The following CSGALNACT1 variants were observed in gnomAD, a reference collection of about 807,000 sequenced individuals.
The protein encoded by CSGALNACT1 is chondroitin sulfate N-acetylgalactosaminyltransferase 1, also known as beta4GalNAcT-1.
In CSGALNACT1, 52 loss-of-function variants were observed where a neutral mutation model predicts 51.0. The observed-to-expected ratio is 1.02, with a 90% confidence interval of 0.82 to 1.29. The LOEUF is 1.29. CSGALNACT1 is among the 50% of genes most tolerant of loss of function. CSGALNACT1 has a pLI of 0.00. For missense variants in CSGALNACT1, 935 were observed against 679.2 expected (o/e 1.38, Z -4.19); for synonymous variants, 341 against 254.4 (o/e 1.34, Z -3.24).
At chr8:19,513,307 C>T (rs1056075558) in intron 3 of CSGALNACT1, among the ~76,000 whole-genome samples, 12 of 151,428 alleles carry the variant, frequency 7.9e-5, no homozygotes, top group African/African-American at 2.4e-4. Flanking sequence ...AGGAAAATAC[C>T]GCAAAATGTA....
At chr8:19,664,551 C>T (rs774732958) in intron 1 of CSGALNACT1, among the ~76,000 whole-genome samples, 1 of 152,010 alleles carries the variant, frequency 6.6e-6, no homozygotes, top group South Asian at 2.1e-4. Context: ...ATCCCAGCAC[C>T]GTTCACAACA....
At chr8:19,575,015 C>T (rs892758280) in intron 3 of CSGALNACT1, among the ~76,000 whole-genome samples, 1 of 151,352 alleles carries the variant, frequency 6.6e-6, no homozygotes, top group Non-Finnish European at 1.5e-5. Flanking sequence ...AGCCTGACAA[C>T]AGAGCGAGAC....
chr8:19,575,870 A>C (rs939591110), intron 3 of CSGALNACT1, among the ~76,000 whole-genome samples: 2 of 152,170 alleles, frequency 1.3e-5, no homozygotes, highest in Non-Finnish European at 2.9e-5. Context: ...TGATAGGTTC[A>C]TGAGAGTTCA....
chr8:19,505,331 C>T (rs780186621), exon 4 of CSGALNACT1: 7 of 1,614,212 alleles, frequency 4.3e-6, no homozygotes, highest in South Asian at 1.1e-5. Flanking sequence ...CAGGCTTCTC[C>T]TCGGGGTGGC....
chr8:19,625,478 T>C (rs2054329651), intron 1 of CSGALNACT1, among the ~76,000 whole-genome samples: 1 of 152,188 alleles, frequency 6.6e-6, no homozygotes, highest in Non-Finnish European at 1.5e-5. Flanking sequence ...GGCCTGTGTT[T>C]CTCTTTTATC....
rs901944166 is a variant in CSGALNACT1 at position 19,690,505 on chromosome 8, A to G, written c.-297+67345T>C. Among the ~76,000 whole-genome samples, 17 of 152,380 alleles carry G rather than the reference A, an allele frequency of 1.1e-4. 1 individual carries two copies. Among genetic ancestry groups the G allele is most frequent in the Middle Eastern group, 3.4e-3 (1 of 294 alleles). On this transcript the variant is annotated intron_variant, in intron 1 of 1. Transcript: ENST00000517494. Reference sequence around the variant, plus strand: ...AAAGAGCTCATCTTTCTCCTAACTCAGAGTTTGACTACAGCTTACCAAAAA... The same window carrying G: ...AAAGAGCTCATCTTTCTCCTAACTCGGAGTTTGACTACAGCTTACCAAAAA...
At chr8:19,440,049 G>T (rs1390388124) in intron 5 of CSGALNACT1, 118 bp from the exon 5 acceptor site, 11 of 805,116 alleles carry the variant, frequency 1.4e-5, no homozygotes, top group Non-Finnish European at 2.1e-5. Flanking sequence ...TAAACTTCCA[G>T]GAGAGCCGAG....
At chr8:19,734,205 T>C (rs1399645532) in intron 1 of CSGALNACT1, among the ~76,000 whole-genome samples, 2 of 152,204 alleles carry the variant, frequency 1.3e-5, no homozygotes, top group Admixed American at 6.5e-5. Flanking sequence ...CAACCTGAAA[T>C]CTACACCTTG....
intron 3 of CSGALNACT1, among the ~76,000 whole-genome samples, chr8:19,584,731 C>T (rs2046275023): frequency 6.6e-6 from 1 of 152,220 alleles, no homozygotes; most frequent in Non-Finnish European, 1.5e-5. Flanking sequence ...CTGCTGACAG[C>T]TGCAGTGCAA....
intron 3 of CSGALNACT1, among the ~76,000 whole-genome samples, chr8:19,539,088 T>A (rs2084455638): frequency 6.6e-6 from 1 of 152,220 alleles, no homozygotes; most frequent in Non-Finnish European, 1.5e-5. Context: ...TGTATATATT[T>A]AACATGTACA....
chr8:19,676,960 G>T (rs374154664), intron 1 of CSGALNACT1, among the ~76,000 whole-genome samples: 7 of 152,182 alleles, frequency 4.6e-5, no homozygotes, highest in Admixed American at 3.9e-4. Flanking sequence ...GTTATTAGTA[G>T]CATTGACAAG....
chr8:19,618,005 A>G (rs573328648), intron 1 of CSGALNACT1, among the ~76,000 whole-genome samples: 1 of 151,802 alleles, frequency 6.6e-6, no homozygotes, highest in Non-Finnish European at 1.5e-5. Flanking sequence ...TCAGCCCCCA[A>G]GCAGCTAGGA....
intron 3 of CSGALNACT1, among the ~76,000 whole-genome samples, chr8:19,518,074 G>A (rs1398109660): frequency 6.6e-6 from 1 of 152,186 alleles, no homozygotes; most frequent in Non-Finnish European, 1.5e-5. Flanking sequence ...CTAGAGAAAT[G>A]CATGCTGTTA....
At chr8:19,458,136 C>T (rs763384363) in intron 5 of CSGALNACT1, among the ~76,000 whole-genome samples, 7 of 152,162 alleles carry the variant, frequency 4.6e-5, no homozygotes, top group Non-Finnish European at 1.0e-4. Flanking sequence ...TGAGCCCCTC[C>T]GCAAGTCAGA....
chr8:19,648,452 T>C (rs187790112), intron 1 of CSGALNACT1, among the ~76,000 whole-genome samples: 8 of 152,330 alleles, frequency 5.3e-5, no homozygotes, highest in Admixed American at 2.0e-4. Flanking sequence ...AAAGTTCCTT[T>C]ACAGATACAT....
chr8:19,728,460 T>A (rs1048846490), intron 1 of CSGALNACT1, among the ~76,000 whole-genome samples: 7 of 152,176 alleles, frequency 4.6e-5, no homozygotes, highest in Non-Finnish European at 7.4e-5. Context: ...CTCAAAGAAA[T>A]GCTTCAACTC....
chr8:19,579,416 C>T (rs2045064050), intron 3 of CSGALNACT1, among the ~76,000 whole-genome samples: 1 of 152,228 alleles, frequency 6.6e-6, no homozygotes. Context: ...TCAGCCAACA[C>T]TTCCAAAGGG....
intron 4 of CSGALNACT1, among the ~76,000 whole-genome samples, chr8:19,496,692 C>T (rs11994933): frequency 0.66 from 100,858 of 152,034 alleles, 33,945 homozygotes; most frequent in East Asian, 0.98. Flanking sequence ...GTCACAGGTG[C>T]TGGCAGGGAG....
chr8:19,584,189 G>A lies in CSGALNACT1; in HGVS notation c.-297+6971C>T, dbSNP rs78648402. Among the ~76,000 whole-genome samples, 329 of 152,304 alleles carry A rather than the reference G, an allele frequency of 2.2e-3. 3 individuals carry two copies. In the East Asian group the frequency reaches 0.022, roughly 10 times the overall value. On this transcript the variant is annotated intron_variant, in intron 3 of 9. Coordinates refer to ENST00000454498, the Ensembl canonical transcript of CSGALNACT1. ...TCTGCTGTTTTTTCATCTGCAGAACGTAATAGTCTAACTAAACAATCACCT... is the reference window on the plus strand; with the variant it reads ...TCTGCTGTTTTTTCATCTGCAGAACATAATAGTCTAACTAAACAATCACCT...
Sources: gnomAD v4.1 joint callset for allele counts (sites outside exome capture counted in the v4.1 genomes callset) on GRCh38, gnomAD v4.1.1 for gene constraint, MANE v1.5 for transcripts, NCBI Gene and HGNC (gene_info 2026-07-23, HGNC 2026-07-21) for gene names.